PRDM16: variants seen among roughly 807,000 people sequenced by gnomAD.
PRDM16 encodes histone-lysine N-methyltransferase PRDM16.
PRDM16 carries 23 observed loss-of-function variants against 110.6 expected under a neutral mutation model. The ratio of observed to expected loss-of-function variants is 0.21; its 90% CI spans 0.15 to 0.29. PRDM16 has a LOEUF of 0.29. Ranked by LOEUF, PRDM16 falls within the 10% of genes least tolerant of loss-of-function variation. The pLI is 1.00. For missense variants in PRDM16, 1,615 were observed against 1,794.3 expected (o/e 0.90, Z 1.81); for synonymous variants, 799 against 781.8 (o/e 1.02, Z -0.37).
chr1:3,412,589 G>A lies in PRDM16; in HGVS notation c.2392G>A (p.Gly798Ser), dbSNP rs371920642. The A allele has an allele frequency of 6.2e-6, 10 of 1,603,748 alleles. No homozygotes were observed. In the East Asian group the frequency reaches 6.7e-5, roughly 11 times the overall value. The change falls in exon 9 of 17, where the codon GGC (glycine) becomes AGC (serine). Residue 798 changes from glycine (G) to serine (S), a missense_variant. Around this residue, in one of 5 missense-constraint regions of PRDM16, gnomAD observed 772 missense variants for 748.3 expected, o/e 1.03. Coordinates refer to ENST00000270722, the MANE Select transcript of PRDM16 (RefSeq NM_022114.4). ...CAAGGGCCCCTCGGCCCCCGCATCC[G>A]GCGAGGAGCAGCCGCTGGACCTGAG... Reference protein sequence around the residue: ...MPKGPSAPASGEEQPLDLSIG... With the variant: ...MPKGPSAPASSEEQPLDLSIG...
chr1:3,399,458 C>A (rs1643433493), intron 5 of PRDM16, among the ~76,000 whole-genome samples: 1 of 152,160 alleles, frequency 6.6e-6, no homozygotes. Context: ...GCCTTACCTG[C>A]CTGGAAGACA....
At chr1:3,410,012 G>A (rs1643654945) in intron 8 of PRDM16, among the ~76,000 whole-genome samples, 1 of 145,462 alleles carries the variant, frequency 6.9e-6, no homozygotes, top group South Asian at 2.2e-4. Context: ...GTGCATGTGT[G>A]TGTGCTGTGT....
chr1:3,389,814 A>G (rs1243229295), intron 4 of PRDM16, among the ~76,000 whole-genome samples: 1 of 152,126 alleles, frequency 6.6e-6, no homozygotes, highest in Non-Finnish European at 1.5e-5. Context: ...TTTCGGGGCA[A>G]TCAGATTGCA....
chr1:3,384,959 T>TGGAGACTCCC (rs2100605707), intron 3 of PRDM16, among the ~76,000 whole-genome samples, 193 bp from the exon 4 acceptor site: 1 of 152,236 alleles, frequency 6.6e-6, no homozygotes, highest in South Asian at 2.1e-4. Flanking sequence ...TGGAGACTCC[T>TGGAGACTCCC]GGAGACTCCC....
At chr1:3,126,295 G>A (rs1404320170) in intron 1 of PRDM16, among the ~76,000 whole-genome samples, 3 of 152,190 alleles carry the variant, frequency 2.0e-5, no homozygotes, top group African/African-American at 7.2e-5. Flanking sequence ...GGCCAGTCTG[G>A]CCCCAGGCCA....
chr1:3,161,178 G>A (rs567217743), intron 1 of PRDM16, among the ~76,000 whole-genome samples: 5 of 152,300 alleles, frequency 3.3e-5, no homozygotes, highest in South Asian at 2.1e-4. Context: ...GAGCCAGCGC[G>A]GAAAGTTCCG....
chr1:3,314,297 C>G (rs555674009), intron 3 of PRDM16, among the ~76,000 whole-genome samples: 7 of 152,280 alleles, frequency 4.6e-5, no homozygotes, highest in African/African-American at 1.7e-4. Flanking sequence ...TGGCTCCTCT[C>G]AACCCTGGTG....
intron 3 of PRDM16, among the ~76,000 whole-genome samples, chr1:3,281,494 A>G (rs774315122): frequency 9.2e-5 from 14 of 152,254 alleles, no homozygotes; most frequent in Non-Finnish European, 1.9e-4. Context: ...ACAACTTAGC[A>G]TGATCAGATT....
chr1:3,241,736 G>A (rs1639679425), intron 2 of PRDM16, among the ~76,000 whole-genome samples: 1 of 152,232 alleles, frequency 6.6e-6, no homozygotes, highest in South Asian at 2.1e-4. Flanking sequence ...CCGGACGCTC[G>A]GAGGGCAGGG....
intron 2 of PRDM16, among the ~76,000 whole-genome samples, chr1:3,234,693 G>A (rs1269201678): frequency 1.3e-5 from 2 of 152,218 alleles, no homozygotes; most frequent in Admixed American, 1.3e-4. Context: ...CAGGGGCCTG[G>A]CCCAGGTGAA....
At chr1:3,234,180 C>T (rs1419043559) in intron 2 of PRDM16, among the ~76,000 whole-genome samples, 1 of 152,172 alleles carries the variant, frequency 6.6e-6, no homozygotes, top group East Asian at 1.9e-4. Context: ...CAGGGTTCAT[C>T]CCTGACTCAT....
chr1:3,358,882 G>T lies in PRDM16; in HGVS notation c.439-26270G>T, dbSNP rs146972791. The stretch of plus-strand genomic sequence containing the variant: ...GGAAAACAGACACCCCTCTTGGGCC[G>T]CAGAGGAGGTGGGGAAGCCGTGAAG... On this transcript the variant is annotated intron_variant, in intron 3 of 16. Coordinates refer to ENST00000270722, the MANE Select transcript of PRDM16 (RefSeq NM_022114.4). The surrounding 1 kb of genome is among the most constrained non-coding windows in gnomAD (Gnocchi z 4.0). Among the ~76,000 whole-genome samples the T allele has an allele frequency of 2.6e-5, 4 of 152,154 alleles. No homozygotes were observed. Among genetic ancestry groups the T allele is most frequent in the Admixed American group, 2.0e-4 (3 of 15,276 alleles).
chr1:3,232,056 C>A (rs529820024), intron 2 of PRDM16, among the ~76,000 whole-genome samples: 1 of 152,260 alleles, frequency 6.6e-6, no homozygotes, highest in Non-Finnish European at 1.5e-5. Flanking sequence ...CCTTCACGCA[C>A]GGTGGTCTCG....
chr1:3,257,120 G>C (rs1354169919), intron 3 of PRDM16, among the ~76,000 whole-genome samples: 1 of 152,222 alleles, frequency 6.6e-6, no homozygotes. Context: ...AGTAAGTGGC[G>C]AAGGTAGTCA....
At position 3,157,962 on chromosome 1, in the gene PRDM16, A is replaced by G. The variant is rs1039391825; in HGVS notation, c.38-28163A>G. On this transcript the variant is annotated intron_variant, in intron 1 of 16. Transcript: ENST00000270722. The surrounding 1 kb of genome is among the most constrained non-coding windows in gnomAD (Gnocchi z 4.8). Reference sequence around the variant, plus strand: ...AATTACAAAATAATTACAAATGATAAAAACAATGACTGCTCATTGCAGAAA... The same window carrying G: ...AATTACAAAATAATTACAAATGATAGAAACAATGACTGCTCATTGCAGAAA... Among the ~76,000 whole-genome samples, 1 of 152,252 alleles carries G rather than the reference A, an allele frequency of 6.6e-6. No individual in the cohort carries two copies. The highest frequency in any genetic ancestry group is 2.4e-5 in the African/African-American group (1 of 41,470).
intron 3 of PRDM16, among the ~76,000 whole-genome samples, chr1:3,363,721 C>T (rs894178094): frequency 1.5e-4 from 23 of 152,192 alleles, no homozygotes; most frequent in African/African-American, 5.3e-4. Context: ...CTTGAAGGTC[C>T]TTTTCCAAGG....
chr1:3,086,549 G>A (rs780343337), intron 1 of PRDM16, among the ~76,000 whole-genome samples: 80 of 152,172 alleles, frequency 5.3e-4, no homozygotes, highest in Non-Finnish European at 7.6e-4. Flanking sequence ...TCCTCCCGCC[G>A]GGCTGCCTTG....
At chr1:3,297,649 A>G (rs1360383244) in intron 3 of PRDM16, among the ~76,000 whole-genome samples, 1 of 152,134 alleles carries the variant, frequency 6.6e-6, no homozygotes, top group African/African-American at 2.4e-5. Context: ...TGGTGGTGGC[A>G]GAAGGGATAA....
chr1:3,200,452 C>G (rs938159869), intron 2 of PRDM16, among the ~76,000 whole-genome samples: 2 of 152,218 alleles, frequency 1.3e-5, no homozygotes, highest in African/African-American at 2.4e-5. Flanking sequence ...ACGCCATTCT[C>G]CTGCCTCAGC....
Sources: allele counts gnomAD v4.1 joint callset (sites outside exome capture counted in the v4.1 genomes callset), GRCh38; gene constraint gnomAD v4.1.1; regional missense constraint gnomAD v4.1.1; non-coding constraint Gnocchi (gnomAD v3.1); transcripts MANE v1.5; gene names NCBI Gene and HGNC (gene_info 2026-07-23, HGNC 2026-07-21).